Variants in MAPKAP1 observed in about 807,000 individuals in gnomAD.
The protein encoded by MAPKAP1 is MAPK associated protein 1.
Under a neutral mutation model 65.7 loss-of-function variants are expected in MAPKAP1, and 20 were observed. The observed-to-expected ratio is 0.30, with a 90% CI of 0.21 to 0.44. MAPKAP1 has a LOEUF of 0.44. Among genes scored for constraint, MAPKAP1 ranks in the 20% least tolerant of loss-of-function variants. The pLI is 1.00. For synonymous variants in MAPKAP1, 222 were observed against 244.3 expected (o/e 0.91, Z 0.85); for missense variants, 423 against 648.0 (o/e 0.65, Z 3.77).
At chr9:125,698,606 T>G (rs1318568161) in intron 1 of MAPKAP1, among the ~76,000 whole-genome samples, 1 of 151,382 alleles carries the variant, frequency 6.6e-6, no homozygotes, top group South Asian at 2.1e-4. Flanking sequence ...CCTCCCAGAG[T>G]GTTGGGATTA....
chr9:125,647,854 T>G (rs1191678698), intron 4 of MAPKAP1, among the ~76,000 whole-genome samples: 1 of 151,610 alleles, frequency 6.6e-6, no homozygotes, highest in East Asian at 1.9e-4. Context: ...ACCAGAAAAA[T>G]CAATGGAAAT....
At chr9:125,569,848 C>T (rs939044159) in intron 5 of MAPKAP1, among the ~76,000 whole-genome samples, 1 of 152,122 alleles carries the variant, frequency 6.6e-6, no homozygotes, top group Non-Finnish European at 1.5e-5. Flanking sequence ...CTCTAATTGG[C>T]TTAAACAAAA....
intron 4 of MAPKAP1, among the ~76,000 whole-genome samples, chr9:125,624,433 G>T (rs1246630851): frequency 1.9e-5 from 2 of 107,418 alleles, no homozygotes; most frequent in Admixed American, 8.6e-5. Flanking sequence ...GGAGGGAGGT[G>T]GGGGGGGTCA....
At chr9:125,539,607 T>C (rs1224080893) in intron 7 of MAPKAP1, among the ~76,000 whole-genome samples, 2 of 152,248 alleles carry the variant, frequency 1.3e-5, no homozygotes, top group South Asian at 2.1e-4. Context: ...GAGGGTAAGC[T>C]TGACAGAGGG....
chr9:125,694,727 T>C (rs1039059348), intron 1 of MAPKAP1, among the ~76,000 whole-genome samples: 3 of 152,028 alleles, frequency 2.0e-5, no homozygotes, highest in African/African-American at 7.2e-5. Flanking sequence ...GCAAAGACTG[T>C]GGGAAGGGAA....
chr9:125,530,708 T>C (rs1267944089), intron 7 of MAPKAP1, among the ~76,000 whole-genome samples: 1 of 152,230 alleles, frequency 6.6e-6, no homozygotes, highest in Non-Finnish European at 1.5e-5. Context: ...TTCCAGCAGA[T>C]TCTAATTCAA....
chr9:125,544,166 G>T (rs978244426), intron 6 of MAPKAP1, among the ~76,000 whole-genome samples: 2 of 151,934 alleles, frequency 1.3e-5, no homozygotes, highest in African/African-American at 4.8e-5. Flanking sequence ...GCCTGCCACC[G>T]TGCCTGGCTA....
chr9:125,657,918 G>A (rs926776189), intron 3 of MAPKAP1, 119 bp from the exon 4 acceptor site: 11 of 930,270 alleles, frequency 1.2e-5, no homozygotes, highest in Admixed American at 6.9e-5. Context: ...TGTTCAGGTC[G>A]GATACATGCA....
chr9:125,502,992 C>A (rs557898556), intron 8 of MAPKAP1, among the ~76,000 whole-genome samples: 54 of 152,270 alleles, frequency 3.5e-4, no homozygotes, highest in Middle Eastern at 3.4e-3. Flanking sequence ...GTAAACTGAA[C>A]CTTTCATCAT....
chr9:125,661,202 T>C (rs1422364296), intron 3 of MAPKAP1, among the ~76,000 whole-genome samples: 1 of 152,214 alleles, frequency 6.6e-6, no homozygotes, highest in East Asian at 1.9e-4. Context: ...TTTGAGGCTC[T>C]GAGGACATAG....
intron 7 of MAPKAP1, among the ~76,000 whole-genome samples, chr9:125,534,356 A>T (rs1830014645): frequency 6.6e-6 from 1 of 152,230 alleles, no homozygotes; most frequent in South Asian, 2.1e-4. Context: ...AATTTTATTT[A>T]AAAAATATCT....
chr9:125,651,158 T>C (rs552527373), intron 4 of MAPKAP1, among the ~76,000 whole-genome samples: 8 of 152,252 alleles, frequency 5.3e-5, no homozygotes, highest in Admixed American at 3.3e-4. Flanking sequence ...TACCAGAATA[T>C]GTAAATGGTA....
chr9:125,613,598 C>A (rs1323395637), intron 4 of MAPKAP1, among the ~76,000 whole-genome samples: 1 of 152,122 alleles, frequency 6.6e-6, no homozygotes, highest in Non-Finnish European at 1.5e-5. Context: ...GTTTTCCTCC[C>A]TTTTCCACAC....
intron 11 of MAPKAP1, among the ~76,000 whole-genome samples, chr9:125,443,600 G>A (rs1852578513): frequency 6.6e-6 from 1 of 151,998 alleles, no homozygotes; most frequent in South Asian, 2.1e-4. Context: ...TCCCAAATCC[G>A]CAAGACCCCT....
intron 3 of MAPKAP1, among the ~76,000 whole-genome samples, chr9:125,664,257 G>A (rs147379938): frequency 6.6e-6 from 1 of 151,702 alleles, no homozygotes; most frequent in Non-Finnish European, 1.5e-5. Context: ...TGAGGCAGGA[G>A]AATCACTTGA....
chr9:125,616,387 T>A (rs1164382967), intron 4 of MAPKAP1, among the ~76,000 whole-genome samples: 1 of 152,114 alleles, frequency 6.6e-6, no homozygotes, highest in African/African-American at 2.4e-5. Context: ...TTTCTGTTCA[T>A]TAAAAAGCAC....
intron 2 of MAPKAP1, among the ~76,000 whole-genome samples, chr9:125,671,590 TA>T (rs555000174): frequency 5.4e-5 from 8 of 147,300 alleles, no homozygotes; most frequent in Non-Finnish European, 3.0e-5. Context: ...TTTGTCTAAG[TA>T]AAAAAAAAAG....
chr9:125,519,652 T>TTTTATATATATA (rs1554815771), intron 7 of MAPKAP1, among the ~76,000 whole-genome samples: 1 of 141,716 alleles, frequency 7.1e-6, no homozygotes, highest in Admixed American at 7.4e-5. Flanking sequence ...TATATGTCTT[T>TTTTATATATATA]TATATATATA....
intron 7 of MAPKAP1, among the ~76,000 whole-genome samples, chr9:125,516,800 G>GT (rs957196720): frequency 5.6e-4 from 85 of 152,324 alleles, no homozygotes; most frequent in African/African-American, 1.9e-3. Flanking sequence ...CAGATTATGT[G>GT]TAACACAATG....
Sources: gnomAD v4.1 joint callset for allele counts (sites outside exome capture counted in the v4.1 genomes callset) on GRCh38, gnomAD v4.1.1 for gene constraint, MANE v1.5 for transcripts, NCBI Gene and HGNC (gene_info 2026-07-23, HGNC 2026-07-21) for gene names.